Variants in MKX observed in about 807,000 individuals in gnomAD.
The protein encoded by MKX is mohawk homeobox, also known as homeobox protein Mohawk.
Under a neutral mutation model 36.0 loss-of-function variants are expected in MKX, and 13 were observed. The ratio of observed to expected loss-of-function variants is 0.36; its 90% CI spans 0.24 to 0.57. The LOEUF (loss-of-function observed/expected upper bound fraction) is 0.57, where lower values mean the gene tolerates loss of function less well. Among genes scored for constraint, MKX ranks in the 20% least tolerant of loss-of-function variants. The probability of loss-of-function intolerance (pLI) is 0.79; values close to 1 mark genes in which losing one functional copy is unlikely to be tolerated. For synonymous variants in MKX, 176 were observed against 178.3 expected (o/e 0.99, Z 0.10); for missense variants, 458 against 456.4 (o/e 1.00, Z -0.03).
In MKX at chr10:27,675,444, G is replaced by A. The variant is rs754910773; in HGVS notation, c.873-29C>T. The A allele has an allele frequency of 2.0e-5, 32 of 1,613,830 alleles. No homozygotes were observed. The East Asian group carries it at 3.6e-4, about 18-fold the overall frequency. ...GAGTTAAGCAAAACAGAAAGTAAAC[G>A]ATCAAACTCACTGCAGTTTGCATTG... On this transcript the variant is annotated intron_variant, in intron 6 of 6. Coordinates refer to ENST00000419761, the MANE Select transcript of MKX (RefSeq NM_173576.3).
At chr10:27,708,639 G>A (rs1391460533) in intron 5 of MKX, among the ~76,000 whole-genome samples, 5 of 150,686 alleles carry the variant, frequency 3.3e-5, no homozygotes, top group Non-Finnish European at 7.4e-5. Context: ...TGAGGCAAGA[G>A]AATCACTTGA....
intron 5 of MKX, among the ~76,000 whole-genome samples, chr10:27,697,446 AATT>A (rs1836575552): frequency 6.6e-6 from 1 of 152,164 alleles, no homozygotes; most frequent in South Asian, 2.1e-4. Context: ...ATAAACCTGC[AATT>A]TATCTCATTT....
chr10:27,678,920 A>G (rs1836202641), intron 5 of MKX, among the ~76,000 whole-genome samples: 1 of 152,228 alleles, frequency 6.6e-6, no homozygotes, highest in Admixed American at 6.5e-5. Flanking sequence ...TTGAAGTGCA[A>G]AAACGTAGAC....
chr10:27,719,724 C>T (rs2132611627), intron 5 of MKX, among the ~76,000 whole-genome samples: 1 of 152,312 alleles, frequency 6.6e-6, no homozygotes, highest in East Asian at 1.9e-4. Flanking sequence ...TGGCTCCCAT[C>T]TGTCAATCTC....
At chr10:27,703,670 G>A (rs530365888) in intron 5 of MKX, among the ~76,000 whole-genome samples, 15 of 152,174 alleles carry the variant, frequency 9.9e-5, no homozygotes, top group African/African-American at 2.4e-4. Context: ...AGGCCGTAGC[G>A]GGCGGATCAC....
In MKX at chr10:27,673,746, G is replaced by T. The variant is rs912503465; in HGVS notation, c.*1483C>A. The T allele has an allele frequency of 2.6e-5, 4 of 152,326 alleles. No individual in the cohort carries two copies. The highest frequency in any genetic ancestry group is 9.7e-5 in the African/African-American group (4 of 41,388). 9.4% of individuals were successfully genotyped at this position (152,326 alleles called of 1,614,324 possible). On this transcript the variant is annotated 3_prime_UTR_variant, in exon 7 of 7. Transcript: ENST00000419761. Reference sequence around the variant, plus strand: ...ACATGAAAAAGTGTCCTACAATTTAGATCAAGACTGATACTGTCCATCAAC... The same window carrying T: ...ACATGAAAAAGTGTCCTACAATTTATATCAAGACTGATACTGTCCATCAAC...
At position 27,735,314 on chromosome 10, in the gene MKX, A is replaced by G. The variant is rs1834731058; in HGVS notation, c.409T>C (p.Leu137=). ...RLKNTVRQPD[L]SWALRIKLYN... ...AACTTTATTCTCAAAGCCCAGCTTA[A>G]ATCTGGCTGTCGAACGGTATTCTTA... The change falls in exon 4 of 7, where the codon TTA becomes CTA. Residue 137 remains leucine, a synonymous_variant. Coordinates refer to ENST00000419761, the MANE Select transcript of MKX (RefSeq NM_173576.3). 11 of 1,613,992 alleles carry G rather than the reference A, an allele frequency of 6.8e-6. No homozygotes were observed. The highest frequency in any genetic ancestry group is 9.3e-6 in the Non-Finnish European group (11 of 1,179,950).
At chr10:27,703,519 GA>G (rs9335643) in intron 5 of MKX, among the ~76,000 whole-genome samples, 57 of 149,062 alleles carry the variant, frequency 3.8e-4, no homozygotes, top group African/African-American at 1.2e-3. Flanking sequence ...GACATCTATG[GA>G]AAAAAAAAAT....
intron 5 of MKX, among the ~76,000 whole-genome samples, chr10:27,726,244 T>TTGCA (rs922217520): frequency 6.6e-6 from 1 of 152,226 alleles, no homozygotes; most frequent in African/African-American, 2.4e-5. Flanking sequence ...ATCTTTGCTC[T>TTGCA]TGCACATGGA....
chr10:27,735,780 G>C (rs904275640), intron 3 of MKX, among the ~76,000 whole-genome samples: 9 of 152,170 alleles, frequency 5.9e-5, no homozygotes, highest in Non-Finnish European at 1.0e-4. Context: ...AGTTAAGTGA[G>C]CCTTTGAAGA....
chr10:27,685,553 A>G (rs1836329723), intron 5 of MKX, among the ~76,000 whole-genome samples: 1 of 148,228 alleles, frequency 6.7e-6, no homozygotes, highest in Non-Finnish European at 1.5e-5. Context: ...GGTGCACGCC[A>G]TTCTCCTGCC....
chr10:27,740,019 C>T (rs1834859704), intron 3 of MKX, among the ~76,000 whole-genome samples: 2 of 152,114 alleles, frequency 1.3e-5, no homozygotes. Context: ...TTTTCCCCTC[C>T]ACTGCTGCAG....
chr10:27,716,682 T>C (rs1391527215), intron 5 of MKX, among the ~76,000 whole-genome samples: 1 of 152,122 alleles, frequency 6.6e-6, no homozygotes, highest in African/African-American at 2.4e-5. Flanking sequence ...AAGCGGTACA[T>C]TTTTTTGTAC....
intron 5 of MKX, among the ~76,000 whole-genome samples, chr10:27,679,333 C>T (rs985849622): frequency 6.6e-6 from 1 of 151,690 alleles, no homozygotes; most frequent in Non-Finnish European, 1.5e-5. Flanking sequence ...AAACTGCATA[C>T]AACAAAGCTC....
At position 27,675,007 on chromosome 10, in the gene MKX, G is replaced by T; in HGVS notation, c.*222C>A. 3 of 430,572 alleles carry T rather than the reference G, an allele frequency of 7.0e-6. No homozygotes were observed. Among genetic ancestry groups the T allele is most frequent in the South Asian group, 3.6e-5 (1 of 27,952 alleles). 26.7% of individuals were successfully genotyped at this position (430,572 alleles called of 1,614,324 possible). On this transcript the variant is annotated 3_prime_UTR_variant, in exon 7 of 7. Transcript: ENST00000419761. ...TGTAATGGTAATGCAGATGTTTTAT[G>T]CATAGTTTGAGTAACATAAAATAAG...
chr10:27,706,508 C>T (rs1836758466), intron 5 of MKX, among the ~76,000 whole-genome samples: 1 of 151,232 alleles, frequency 6.6e-6, no homozygotes, highest in South Asian at 2.1e-4. Context: ...CTCAAGGGTC[C>T]TGATTTTTCC....
intron 5 of MKX, among the ~76,000 whole-genome samples, chr10:27,683,765 A>T (rs1836295807): frequency 6.6e-6 from 1 of 152,224 alleles, no homozygotes; most frequent in South Asian, 2.1e-4. Flanking sequence ...TACTTGGAAC[A>T]ACTGAGGATA....
chr10:27,698,690 C>A (rs1409288943), intron 5 of MKX, among the ~76,000 whole-genome samples: 1 of 152,130 alleles, frequency 6.6e-6, no homozygotes, highest in African/African-American at 2.4e-5. Flanking sequence ...TCAGGACCTT[C>A]CTGTGTAGCT....
intron 5 of MKX, among the ~76,000 whole-genome samples, chr10:27,679,814 A>ATT (rs1288327782): frequency 6.6e-6 from 1 of 151,504 alleles, no homozygotes; most frequent in Non-Finnish European, 1.5e-5. Flanking sequence ...AAGTGTTGTA[A>ATT]TTTTTTTTTC....
Sources: allele counts gnomAD v4.1 joint callset (sites outside exome capture counted in the v4.1 genomes callset), GRCh38; gene constraint gnomAD v4.1.1; transcripts MANE v1.5; gene names NCBI Gene and HGNC (gene_info 2026-07-23, HGNC 2026-07-21).